AKAP13: variants seen among roughly 807,000 people sequenced by gnomAD.
AKAP13 encodes the protein A-kinase anchoring protein 13.
A neutral mutation model predicts 264.5 loss-of-function variants in AKAP13; 80 were observed. The observed-to-expected ratio is 0.30, with a 90% CI of 0.25 to 0.36. AKAP13 has a LOEUF of 0.36. Among genes scored for constraint, AKAP13 ranks in the 10% least tolerant of loss-of-function variants. The probability of loss-of-function intolerance (pLI) is 1.00; values close to 1 mark genes in which losing one functional copy is unlikely to be tolerated. For synonymous variants in AKAP13, 1,380 were observed against 1,250.2 expected (o/e 1.10, Z -2.19); for missense variants, 3,712 against 3,435.2 (o/e 1.08, Z -2.01).
chr15:85,659,827 A>G (rs534080650), intron 12 of AKAP13, among the ~76,000 whole-genome samples: 41 of 152,330 alleles, frequency 2.7e-4, no homozygotes, highest in African/African-American at 9.1e-4. Flanking sequence ...ATAAAATTGA[A>G]ACATTACAAC....
At chr15:85,578,896 C>A (rs375203836) in intron 6 of AKAP13, 34 bp from the exon 7 acceptor site, 1 of 1,587,358 alleles carries the variant, frequency 6.3e-7, no homozygotes, top group Non-Finnish European at 8.6e-7. Flanking sequence ...CTCCTACAGG[C>A]AGTTTTTTAA....
chr15:85,700,893 A>G (rs2085872556), intron 17 of AKAP13, among the ~76,000 whole-genome samples: 1 of 152,216 alleles, frequency 6.6e-6, no homozygotes, highest in African/African-American at 2.4e-5. Context: ...ATGTACTCAA[A>G]ATTAAATAAA....
At chr15:85,381,181 G>A (rs1299333381) in intron 1 of AKAP13, among the ~76,000 whole-genome samples, 1 of 152,090 alleles carries the variant, frequency 6.6e-6, no homozygotes, top group African/African-American at 2.4e-5. Context: ...GGTCGGCGCC[G>A]CCGGGGCGGG....
In AKAP13 at chr15:85,682,226, G is replaced by A. The variant is rs75246116; in HGVS notation, c.5156+14G>A. ...TCTGACTGAGAGGTACTATAAATTTGTTACTCCTTTTTCCAGAAATAAAAT... is the reference window on the plus strand; with the variant it reads ...TCTGACTGAGAGGTACTATAAATTTATTACTCCTTTTTCCAGAAATAAAAT... On this transcript the variant is annotated intron_variant, in intron 15 of 36. Coordinates refer to ENST00000394518, the MANE Select transcript of AKAP13 (RefSeq NM_007200.5). The A allele has an allele frequency of 6.2e-7, 1 of 1,610,420 alleles. No individual in the cohort carries two copies. The highest frequency in any genetic ancestry group is 8.5e-7 in the Non-Finnish European group (1 of 1,178,352).
chr15:85,457,359 C>G (rs982046274), intron 1 of AKAP13, among the ~76,000 whole-genome samples: 1 of 152,158 alleles, frequency 6.6e-6, no homozygotes, highest in African/African-American at 2.4e-5. Context: ...AAGGAAAACA[C>G]CATCTCGGCT....
intron 1 of AKAP13, among the ~76,000 whole-genome samples, chr15:85,432,660 G>A (rs946408128): frequency 2.6e-5 from 4 of 152,034 alleles, no homozygotes; most frequent in Non-Finnish European, 5.9e-5. Flanking sequence ...CATTCACTTC[G>A]CAAAATTGAC....
rs1316614053 is a variant in AKAP13 at position 85,749,296 on chromosome 15, T to G, written c.*4619T>G. 6.6e-6 allele frequency: 1 copy of G among 152,230 alleles called. No homozygotes were observed. The highest frequency in any genetic ancestry group is 1.5e-5 in the Non-Finnish European group (1 of 68,040). The allele number at this position is 152,230 out of a possible 1,614,324, so 9.4% of individuals were successfully genotyped here. A position where few individuals can be genotyped will look rare whatever the true frequency, so the allele number is the denominator to read the frequency against. On this transcript the variant is annotated 3_prime_UTR_variant, in exon 37 of 37. Coordinates refer to ENST00000394518, the MANE Select transcript of AKAP13 (RefSeq NM_007200.5). ...TTATCTTTCTTTCTAGTTACCAGCT[T>G]CAGACCCTTGTAAAGTCTCCCTCAG... is the stretch of plus-strand genomic sequence containing the variant.
chr15:85,539,189 A>G (rs1392880757), intron 4 of AKAP13, among the ~76,000 whole-genome samples: 1 of 152,174 alleles, frequency 6.6e-6, no homozygotes, highest in Non-Finnish European at 1.5e-5. Flanking sequence ...AACATATTTT[A>G]AAACTGCTAG....
At chr15:85,453,885 A>G (rs1778618909) in intron 1 of AKAP13, among the ~76,000 whole-genome samples, 1 of 151,830 alleles carries the variant, frequency 6.6e-6, no homozygotes, top group African/African-American at 2.4e-5. Flanking sequence ...CACCTGCTTA[A>G]AGCAACAGCC....
chr15:85,629,293 TG>T (rs745506836), intron 8 of AKAP13, among the ~76,000 whole-genome samples: 1 of 152,142 alleles, frequency 6.6e-6, no homozygotes, highest in Non-Finnish European at 1.5e-5. Context: ...TGTGGTGGAC[TG>T]GAAGTGAGGA....
intron 1 of AKAP13, among the ~76,000 whole-genome samples, chr15:85,442,139 C>T (rs150363644): frequency 1.4e-3 from 212 of 151,882 alleles, no homozygotes; most frequent in African/African-American, 5.0e-3. Flanking sequence ...AGGCTGGGCG[C>T]GGTGGCTCAT....
chr15:85,538,494 T>C (rs1045753490), intron 4 of AKAP13, among the ~76,000 whole-genome samples: 35 of 150,362 alleles, frequency 2.3e-4, no homozygotes, highest in Non-Finnish European at 3.6e-4. Flanking sequence ...TTCTTTCTTT[T>C]TTTTTTTTTT....
At chr15:85,621,985 C>T (rs2081213029) in intron 8 of AKAP13, among the ~76,000 whole-genome samples, 2 of 152,102 alleles carry the variant, frequency 1.3e-5, no homozygotes, top group Admixed American at 6.5e-5. Context: ...ACTAGGAGTC[C>T]TGAAAACACC....
chr15:85,718,613 A>G lies in AKAP13; in HGVS notation c.6001+454A>G, dbSNP rs1013217875. On this transcript the variant is annotated intron_variant, in intron 22 of 36. Coordinates refer to ENST00000394518, the MANE Select transcript of AKAP13 (RefSeq NM_007200.5). This position sits in a 1 kb window ranked among gnomAD's most constrained non-coding sequence, Gnocchi z 4.9. ...GTGAAAAATAGAGGAATAAGACGAA[A>G]ACACTTGACCAGGCTCAGCGGCTCA... Among the ~76,000 whole-genome samples the G allele has an allele frequency of 6.6e-6, 1 of 152,190 alleles. No individual in the cohort carries two copies. The highest frequency in any genetic ancestry group is 6.5e-5 in the Admixed American group (1 of 15,286).
At chr15:85,596,624 T>C (rs923840805) in intron 8 of AKAP13, among the ~76,000 whole-genome samples, 1 of 152,054 alleles carries the variant, frequency 6.6e-6, no homozygotes, top group African/African-American at 2.4e-5. Flanking sequence ...GGTTGGAATT[T>C]GGGGTTATGG....
intron 8 of AKAP13, among the ~76,000 whole-genome samples, chr15:85,632,541 G>A (rs959863357): frequency 6.6e-6 from 1 of 152,162 alleles, no homozygotes; most frequent in Non-Finnish European, 1.5e-5. Flanking sequence ...GATAAAACCT[G>A]CAGAAATGCA....
intron 1 of AKAP13, among the ~76,000 whole-genome samples, chr15:85,386,779 A>T (rs1465629986): frequency 6.6e-6 from 1 of 150,636 alleles, no homozygotes; most frequent in African/African-American, 2.4e-5. Flanking sequence ...TTTTTTTGCA[A>T]GTTGATCATA....
At position 85,445,638 on chromosome 15, in the gene AKAP13, GTACT is replaced by G. The variant is rs1261924326; in HGVS notation, c.-11-40064_-11-40061del. 7.2e-5 allele frequency among the ~76,000 whole-genome samples: 11 copies of G among 151,898 alleles called. No individual in the cohort carries two copies. In the East Asian group the frequency reaches 9.7e-4, roughly 13 times the overall value. Reference sequence around the variant, plus strand: ...AGCACTGTGACTTACCTTTATTATAGTACTTACTTACAAACTTGGAGAGAAAGAT... The same window carrying G: ...AGCACTGTGACTTACCTTTATTATAGTACTTACAAACTTGGAGAGAAAGAT... On this transcript the variant is annotated intron_variant, in intron 1 of 36. Transcript: ENST00000394518.
intron 2 of AKAP13, among the ~76,000 whole-genome samples, chr15:85,508,713 A>C (rs1043262964): frequency 6.6e-6 from 1 of 151,980 alleles, no homozygotes; most frequent in Non-Finnish European, 1.5e-5. Context: ...GAAAAAGAAA[A>C]AGAAAAAAAA....
Sources: gnomAD v4.1 joint callset for allele counts (sites outside exome capture counted in the v4.1 genomes callset) on GRCh38, gnomAD v4.1.1 for gene constraint, Gnocchi (gnomAD v3.1) non-coding constraint, MANE v1.5 for transcripts, NCBI Gene and HGNC (gene_info 2026-07-23, HGNC 2026-07-21) for gene names.